The following IL13RA1 variants were observed in gnomAD, a reference collection of about 807,000 sequenced individuals.
IL13RA1 encodes interleukin 13 receptor subunit alpha 1.
In IL13RA1, 14 loss-of-function variants were observed where a neutral mutation model predicts 33.8. The observed-to-expected ratio is 0.41, with a 90% CI of 0.27 to 0.65. The LOEUF (loss-of-function observed/expected upper bound fraction) is 0.65, where lower values mean the gene tolerates loss of function less well. Among genes scored for constraint, IL13RA1 ranks in the 30% least tolerant of loss-of-function variants. IL13RA1 has a pLI of 0.28. For synonymous variants in IL13RA1, 116 were observed against 115.7 expected (o/e 1.00, Z -0.02); for missense variants, 313 against 327.0 (o/e 0.96, Z 0.33).
chrX:118,741,577 C>T (rs1603208293), intron 2 of IL13RA1, among the ~76,000 whole-genome samples: 1 of 111,318 alleles, frequency 9.0e-6, no homozygotes, highest in Non-Finnish European at 1.9e-5. Flanking sequence ...TAAAAGTAAA[C>T]GGCCATATGG....
At chrX:118,762,328 C>G (rs770576913) in intron 6 of IL13RA1, among the ~76,000 whole-genome samples, 155 of 112,501 alleles carry the variant, frequency 1.4e-3, no homozygotes, top group Non-Finnish European at 2.3e-3. Context: ...AAGATGGCGC[C>G]TTAAGACCAT....
chrX:118,773,464 C>A (rs962322395), intron 8 of IL13RA1, among the ~76,000 whole-genome samples: 1 of 111,886 alleles, frequency 8.9e-6, no homozygotes, highest in Non-Finnish European at 1.9e-5. Flanking sequence ...GCACTCCAGC[C>A]TGGGTGACAG....
downstream of IL13RA1, among the ~76,000 whole-genome samples, chrX:118,797,174 C>T (rs2018036844): frequency 8.9e-6 from 1 of 112,237 alleles, no homozygotes; most frequent in Non-Finnish European, 1.9e-5. Flanking sequence ...TAGCTCTAGG[C>T]ATCAGCGTTC....
intron 2 of IL13RA1, among the ~76,000 whole-genome samples, chrX:118,744,324 C>T (rs963881828): frequency 2.7e-5 from 3 of 111,706 alleles, no homozygotes; most frequent in Non-Finnish European, 5.6e-5. Context: ...TTTCCCTCTA[C>T]TGTCCCTTTT....
downstream of IL13RA1, among the ~76,000 whole-genome samples, chrX:118,795,227 A>AAAAGAAAAAG (rs2018022995): frequency 2.1e-5 from 2 of 95,007 alleles, no homozygotes; most frequent in Admixed American, 1.2e-4. Flanking sequence ...AAAAAAAAAA[A>AAAAGAAAAAG]AAAGAAAAAG....
At chrX:118,788,734 A>G (rs1048597687) in intron 10 of IL13RA1, among the ~76,000 whole-genome samples, 2 of 112,005 alleles carry the variant, frequency 1.8e-5, no homozygotes, top group Admixed American at 1.9e-4. Flanking sequence ...ATTTCATTGT[A>G]TAGGCATCAT....
the IL13RA1 span, among the ~76,000 whole-genome samples, chrX:118,800,868 T>G: frequency 8.8e-4 from 98 of 111,903 alleles, no homozygotes; most frequent in Non-Finnish European, 1.7e-3. Context: ...CTCACTGCAA[T>G]CTCCACCTCC....
chrX:118,737,300 G>T (rs762938049), intron 1 of IL13RA1, among the ~76,000 whole-genome samples: 4 of 112,591 alleles, frequency 3.6e-5, no homozygotes, highest in Non-Finnish European at 7.5e-5. Context: ...GACATTGATT[G>T]AAATTTATGG....
chrX:118,798,822 G>A (rs769034647), downstream of IL13RA1, among the ~76,000 whole-genome samples: 445 of 112,871 alleles, frequency 3.9e-3, 2 homozygotes, highest in African/African-American at 0.014. Flanking sequence ...GCTCGCTCTC[G>A]GCGCCTCCTC....
intron 4 of IL13RA1, among the ~76,000 whole-genome samples, chrX:118,751,214 AAGTT>A (rs2017466736): frequency 8.9e-6 from 1 of 112,449 alleles, no homozygotes; most frequent in Non-Finnish European, 1.9e-5. Context: ...TTAAATTTCT[AAGTT>A]AGTCTTCCAT....
At chrX:118,758,423 T>C (rs2017557571) in intron 5 of IL13RA1, among the ~76,000 whole-genome samples, 181 bp downstream of exon 5, 1 of 112,294 alleles carries the variant, frequency 8.9e-6, no homozygotes, top group Non-Finnish European at 1.9e-5. Context: ...GGAAATTCTT[T>C]TTATTGAACA....
At chrX:118,730,300 C>CA (rs759695528) in intron 1 of IL13RA1, among the ~76,000 whole-genome samples, 1 of 111,557 alleles carries the variant, frequency 9.0e-6, no homozygotes, top group Non-Finnish European at 1.9e-5. Flanking sequence ...TGTCTCAAAA[C>CA]AAAAAAAGAA....
At position 118,758,267 on chromosome X, in the gene IL13RA1, C is replaced by T. The variant is rs758607005; in HGVS notation, c.676+25C>T. 1.8e-5 allele frequency: 12 copies of T among 664,138 alleles called. No individual in the cohort carries two copies. In the Admixed American group the frequency reaches 3.2e-4, roughly 18 times the overall value. 54.7% of individuals were successfully genotyped at this position (664,138 alleles called of 1,213,427 possible). ...GGTAAGTTTTAGAAGTCCTCTAAAA[C>T]AGTATGGATAAAAAGTGTGTTATAT... is the stretch of plus-strand genomic sequence containing the variant. On this transcript the variant is annotated intron_variant, in intron 5 of 10. Coordinates refer to ENST00000371666, the MANE Select transcript of IL13RA1 (RefSeq NM_001560.3).
chrX:118,784,419 T>G (rs2017894051), intron 10 of IL13RA1, among the ~76,000 whole-genome samples: 2 of 110,483 alleles, frequency 1.8e-5, no homozygotes, highest in Non-Finnish European at 3.8e-5. Context: ...TGAATTGTAT[T>G]TGAATGTAAC....
At chrX:118,784,091 AT>A (rs1372532585) in intron 10 of IL13RA1, among the ~76,000 whole-genome samples, 49 of 44,328 alleles carry the variant, frequency 1.1e-3, no homozygotes, top group East Asian at 6.4e-3. Context: ...AAAAAAAAAA[AT>A]ATATATATAT....
chrX:118,728,990 T>C (rs769030067), intron 1 of IL13RA1, among the ~76,000 whole-genome samples: 1 of 112,111 alleles, frequency 8.9e-6, no homozygotes, highest in South Asian at 3.7e-4. Flanking sequence ...TCAATAATTA[T>C]TCAGGTGTCT....
chrX:118,761,242 GA>G lies in IL13RA1; in HGVS notation c.783del (p.Val262Ter). The G allele has an allele frequency of 9.7e-7, 1 of 1,027,850 alleles. No individual in the cohort carries two copies. Among genetic ancestry groups the G allele is most frequent in the Non-Finnish European group, 1.4e-6 (1 of 737,068 alleles). The allele number at this position is 1,027,850 out of a possible 1,213,427, so 84.7% of individuals were successfully genotyped here. ...TTTTATTAGCAGATGCCTATTTTATGAAGTAGAAGTCAATAACAGCCAAACT... is the reference window on the plus strand; with the variant it reads ...TTTTATTAGCAGATGCCTATTTTATGAGTAGAAGTCAATAACAGCCAAACT... ...QNFISRCLFY[E>X]VEVNNSQTET... On this transcript the variant is annotated frameshift_variant, in exon 6 of 11. Transcript: ENST00000371666. LOFTEE classifies it high-confidence loss of function.
chrX:118,778,883 G>GTTAA (rs1466391904), intron 10 of IL13RA1, among the ~76,000 whole-genome samples: 13 of 111,989 alleles, frequency 1.2e-4, no homozygotes, highest in African/African-American at 4.2e-4. Flanking sequence ...CCCCAATGAG[G>GTTAA]TTAAGCAATT....
chrX:118,783,288 T>G (rs1444323068), intron 10 of IL13RA1, among the ~76,000 whole-genome samples: 1 of 112,081 alleles, frequency 8.9e-6, no homozygotes, highest in Non-Finnish European at 1.9e-5. Context: ...TCTATGATGT[T>G]TTTCATCTTT....
Sources: allele counts gnomAD v4.1 joint callset (sites outside exome capture counted in the v4.1 genomes callset), GRCh38; gene constraint gnomAD v4.1.1; transcripts MANE v1.5; gene names NCBI Gene and HGNC (gene_info 2026-07-23, HGNC 2026-07-21).